Variants in MBP observed in about 807,000 individuals in gnomAD.
MBP encodes the protein myelin basic protein.
In MBP, 16 loss-of-function variants were observed where a neutral mutation model predicts 35.8. The ratio of observed to expected loss-of-function variants is 0.45; its 90% CI spans 0.30 to 0.68. MBP has a LOEUF of 0.68. Among genes scored for constraint, MBP ranks in the 30% least tolerant of loss-of-function variants. The pLI is 0.08. For synonymous variants in MBP, 143 were observed against 159.6 expected (o/e 0.90, Z 0.78); for missense variants, 380 against 404.7 (o/e 0.94, Z 0.52).
intron 2 of MBP, chr18:77,093,551 C>G (rs1027074596): frequency 6.6e-6 from 1 of 152,202 alleles, no homozygotes; most frequent in African/African-American, 2.4e-5. Flanking sequence ...ATGCCCACTT[C>G]CCTGCCTCCA....
rs1971928488 is a variant in MBP at position 77,020,018 on chromosome 18, T to C, written c.140-2750A>G. On this transcript the variant is annotated intron_variant, in intron 3 of 8. Coordinates refer to ENST00000355994, the MANE Select transcript of MBP (RefSeq NM_001025101.2). The surrounding 1 kb of genome is among the most constrained non-coding windows in gnomAD (Gnocchi z 4.1). The stretch of plus-strand genomic sequence containing the variant: ...ACAGCCTTGATGGCTGTGAACAGAC[T>C]GTGGAAAGGGCAGAGCAGGCAGCTA... Among the ~76,000 whole-genome samples the C allele has an allele frequency of 6.6e-6, 1 of 151,898 alleles. No individual in the cohort carries two copies. The highest frequency in any genetic ancestry group is 1.5e-5 in the Non-Finnish European group (1 of 67,946).
chr18:77,060,238 T>C (rs1973913212), intron 3 of MBP, among the ~76,000 whole-genome samples: 1 of 152,150 alleles, frequency 6.6e-6, no homozygotes, highest in South Asian at 2.1e-4. Context: ...TCAAAAATGA[T>C]TTAATAAATG....
At chr18:76,987,487 C>T (rs470293) in intron 7 of MBP, 154,541 of 983,522 alleles carry the variant, frequency 0.16, 12,917 homozygotes, top group East Asian at 0.36. Context: ...CTCTCAAGTA[C>T]CCTGCCCCTT....
At chr18:77,108,680 G>C (rs1430235244) in intron 1 of MBP, 2 of 152,248 alleles carry the variant, frequency 1.3e-5, no homozygotes, top group Non-Finnish European at 2.9e-5. Flanking sequence ...GTTGTTGACT[G>C]TTAGGCTCTC....
intron 4 of MBP, among the ~76,000 whole-genome samples, chr18:76,999,697 C>G (rs1287181663): frequency 6.6e-6 from 1 of 152,152 alleles, no homozygotes; most frequent in South Asian, 2.1e-4. Context: ...AATCCACCCA[C>G]CTTGGCCTCC....
intron 3 of MBP, among the ~76,000 whole-genome samples, chr18:77,055,097 A>G (rs1368536393): frequency 6.6e-6 from 1 of 152,262 alleles, no homozygotes; most frequent in Admixed American, 6.5e-5. Flanking sequence ...GGGCACGCAC[A>G]TCGTGGATGG....
Position 77,105,301 on chromosome 18 carries a change from G to T in MBP, c.-25-15C>A. ...CTCTTCAGAGGCTAAAAGAGAAAGAGAAAGTGTCAGCCCTAAGTCTAGTGC... is the reference window on the plus strand; with the variant it reads ...CTCTTCAGAGGCTAAAAGAGAAAGATAAAGTGTCAGCCCTAAGTCTAGTGC... On this transcript the variant is annotated splice_polypyrimidine_tract_variant and intron_variant, in intron 1 of 8. Coordinates refer to ENST00000355994, the MANE Select transcript of MBP (RefSeq NM_001025101.2). The T allele has an allele frequency of 1.3e-6, 2 of 1,537,176 alleles. No individual in the cohort carries two copies. The highest frequency in any genetic ancestry group is 9.0e-7 in the Non-Finnish European group (1 of 1,110,978).
intron 4 of MBP, among the ~76,000 whole-genome samples, chr18:77,008,799 A>G (rs915417481): frequency 1.4e-4 from 22 of 152,194 alleles, no homozygotes; most frequent in African/African-American, 4.3e-4. Flanking sequence ...AGGCACTAGC[A>G]TGATGTCTGA....
intron 4 of MBP, chr18:77,003,101 G>A (rs1229522127): frequency 6.6e-6 from 1 of 152,214 alleles, no homozygotes; most frequent in Non-Finnish European, 1.5e-5. Flanking sequence ...TGTAGTTAAT[G>A]AGATGAGATT....
chr18:77,132,448 T>A (rs893944215), intron 1 of MBP, 132 bp downstream of exon 1: 6 of 152,172 alleles, frequency 3.9e-5, no homozygotes, highest in African/African-American at 1.4e-4. Flanking sequence ...ATAGCTCCTG[T>A]CCCCGATCTT....
chr18:77,068,950 C>A (rs761925234), intron 2 of MBP: 4 of 463,072 alleles, frequency 8.6e-6, no homozygotes, highest in Non-Finnish European at 1.7e-5. Context: ...GCCTTGGGGG[C>A]CTCACCTCGG....
At chr18:77,023,813 G>A (rs1056132760) in intron 3 of MBP, among the ~76,000 whole-genome samples, 1 of 152,184 alleles carries the variant, frequency 6.6e-6, no homozygotes, top group Non-Finnish European at 1.5e-5. Flanking sequence ...TTACCCTCCA[G>A]TACCACAGAG....
At chr18:77,053,393 G>A (rs560714274) in intron 3 of MBP, among the ~76,000 whole-genome samples, 4 of 152,358 alleles carry the variant, frequency 2.6e-5, no homozygotes, top group African/African-American at 4.8e-5. Context: ...AGTGTCAGCC[G>A]GTATGCTCCG....
intron 4 of MBP, chr18:77,010,268 A>G (rs1971269455): frequency 3.7e-6 from 1 of 271,216 alleles, no homozygotes; most frequent in East Asian, 7.8e-5. Flanking sequence ...AGTTCTTAAT[A>G]TGGCAGCAGG....
intron 4 of MBP, among the ~76,000 whole-genome samples, chr18:76,993,647 GC>G (rs1349671042): frequency 1.3e-5 from 2 of 151,240 alleles, no homozygotes; most frequent in Non-Finnish European, 2.9e-5. Flanking sequence ...CCTATTTTGT[GC>G]CCTCGTTGGT....
chr18:76,989,799 G>A lies in MBP; in HGVS notation c.681+157C>T. 1.6e-6 allele frequency: 1 copy of A among 634,840 alleles called. No individual in the cohort carries two copies. 39.3% of individuals were successfully genotyped at this position (634,840 alleles called of 1,614,324 possible). ...CGGGAAGCGCTTGCCTGGAACTCGC[G>A]ATCAGGTGCGAGGGGGGAGTTCCCC... is the stretch of plus-strand genomic sequence containing the variant. On this transcript the variant is annotated intron_variant, in intron 5 of 8. Transcript: ENST00000355994. This position sits in a 1 kb window ranked among gnomAD's most constrained non-coding sequence, Gnocchi z 4.0.
intron 7 of MBP, 64 bp from the exon 8 acceptor site, chr18:76,984,958 T>G (rs1309550121): frequency 1.4e-5 from 22 of 1,597,632 alleles, no homozygotes; most frequent in Non-Finnish European, 1.8e-5. Context: ...CTTGAGCCAC[T>G]GGGAGCTGCC....
At chr18:77,045,494 T>C (rs1413725932) in intron 3 of MBP, among the ~76,000 whole-genome samples, 1 of 152,258 alleles carries the variant, frequency 6.6e-6, no homozygotes, top group East Asian at 1.9e-4. Flanking sequence ...GGTCAGGGTC[T>C]CTGGAGCCTG....
intron 3 of MBP, among the ~76,000 whole-genome samples, chr18:77,038,380 T>C (rs1972858904): frequency 1.3e-5 from 2 of 152,210 alleles, no homozygotes; most frequent in South Asian, 4.1e-4. Flanking sequence ...TCATATTTGG[T>C]CCTCTGCCAT....
Sources: gnomAD v4.1 joint callset for allele counts (sites outside exome capture counted in the v4.1 genomes callset) on GRCh38, gnomAD v4.1.1 for gene constraint, Gnocchi (gnomAD v3.1) non-coding constraint, MANE v1.5 for transcripts, NCBI Gene and HGNC (gene_info 2026-07-23, HGNC 2026-07-21) for gene names.